The following ANO10 variants were observed in gnomAD, a reference collection of about 807,000 sequenced individuals.
The protein encoded by ANO10 is anoctamin 10, also known as anoctamin-10.
A neutral mutation model predicts 74.7 loss-of-function variants in ANO10; 77 were observed. The ratio of observed to expected loss-of-function variants is 1.03; its 90% CI spans 0.86 to 1.25. The LOEUF (loss-of-function observed/expected upper bound fraction) is 1.25, where lower values mean the gene tolerates loss of function less well. Among genes scored for constraint, ANO10 ranks in the 50% most tolerant of loss-of-function variants. The pLI is 0.00. For missense variants in ANO10, 721 were observed against 778.1 expected (o/e 0.93, Z 0.87); for synonymous variants, 279 against 284.9 (o/e 0.98, Z 0.21).
chr3:43,449,574 A>G (rs1162916129), intron 11 of ANO10, among the ~76,000 whole-genome samples: 1 of 148,928 alleles, frequency 6.7e-6, no homozygotes, highest in Non-Finnish European at 1.5e-5. Context: ...CTTTGTTGAA[A>G]GGACTATCCT....
chr3:43,460,934 T>G (rs1036395833), intron 11 of ANO10, among the ~76,000 whole-genome samples: 3 of 147,678 alleles, frequency 2.0e-5, no homozygotes, highest in African/African-American at 7.5e-5. Context: ...AAAACTTCAA[T>G]AGAAAAGCTG....
chr3:43,538,617 C>T (rs942845798), intron 11 of ANO10, among the ~76,000 whole-genome samples: 4 of 151,942 alleles, frequency 2.6e-5, no homozygotes, highest in South Asian at 2.1e-4. Flanking sequence ...ACTGAAGAAA[C>T]GGAAAAAATG....
intron 11 of ANO10, among the ~76,000 whole-genome samples, chr3:43,543,040 C>T (rs2079023981): frequency 6.6e-6 from 1 of 152,190 alleles, no homozygotes; most frequent in Admixed American, 6.5e-5. Flanking sequence ...GGAATGGGCT[C>T]ACAAGACAAG....
chr3:43,546,794 G>C (rs2079212858), intron 11 of ANO10, among the ~76,000 whole-genome samples: 1 of 152,072 alleles, frequency 6.6e-6, no homozygotes, highest in African/African-American at 2.4e-5. Flanking sequence ...AGGGCCTTAG[G>C]GACCTGTGGG....
chr3:43,443,068 C>T (rs890866472), intron 11 of ANO10, among the ~76,000 whole-genome samples: 3 of 152,180 alleles, frequency 2.0e-5, no homozygotes, highest in South Asian at 4.1e-4. Context: ...CCTGAGAAGA[C>T]GTCTTCAGGG....
At chr3:43,627,274 A>G (rs1002288534) in intron 1 of ANO10, among the ~76,000 whole-genome samples, 14 of 152,374 alleles carry the variant, frequency 9.2e-5, no homozygotes, top group South Asian at 4.1e-4. Context: ...TATTTAATAA[A>G]GAGAACTAAG....
At chr3:43,552,446 T>C (rs1353241292) in intron 10 of ANO10, among the ~76,000 whole-genome samples, 1 of 152,032 alleles carries the variant, frequency 6.6e-6, no homozygotes, top group Non-Finnish European at 1.5e-5. Flanking sequence ...ATTATAAGTT[T>C]TGCTTCAACC....
chr3:43,422,801 T>A (rs745778200), intron 12 of ANO10, among the ~76,000 whole-genome samples: 10 of 152,344 alleles, frequency 6.6e-5, no homozygotes, highest in Non-Finnish European at 1.0e-4. Context: ...ACCAATGAGA[T>A]AAGTAGTCAC....
intron 7 of ANO10, among the ~76,000 whole-genome samples, chr3:43,569,665 T>C (rs1405437916): frequency 7.0e-6 from 1 of 142,106 alleles, no homozygotes; most frequent in African/African-American, 2.7e-5. Flanking sequence ...CTCAATAAAT[T>C]AGGTATTGAT....
chr3:43,684,172 A>G (rs1003929326), intron 1 of ANO10, among the ~76,000 whole-genome samples: 25 of 152,222 alleles, frequency 1.6e-4, no homozygotes, highest in African/African-American at 5.5e-4. Flanking sequence ...AATTTTTGCA[A>G]TCTACTCATC....
At chr3:43,616,731 C>T (rs2083128588) in intron 1 of ANO10, among the ~76,000 whole-genome samples, 1 of 152,128 alleles carries the variant, frequency 6.6e-6, no homozygotes, top group African/African-American at 2.4e-5. Context: ...GCCGTTATGC[C>T]ACAGTGCACA....
chr3:43,416,412 A>G lies in ANO10; in HGVS notation c.1914+16199T>C, dbSNP rs550444845. ...AGTAACTGCCTTGTAGAGTCTATCT[A>G]AAAGAATAGCCATCAAAAATAAAAA... On this transcript the variant is annotated intron_variant, in intron 12 of 12. Transcript: ENST00000292246. Among the ~76,000 whole-genome samples, 6 of 152,338 alleles carry G rather than the reference A, an allele frequency of 3.9e-5. No individual in the cohort carries two copies. The East Asian group carries it at 1.2e-3, about 29-fold the overall frequency.
At chr3:43,515,528 A>G (rs1466226265) in intron 11 of ANO10, among the ~76,000 whole-genome samples, 1 of 152,154 alleles carries the variant, frequency 6.6e-6, no homozygotes, top group African/African-American at 2.4e-5. Context: ...GCATGAACCA[A>G]TTCCCTATAA....
rs562009051 is a variant in ANO10, at chr3:43,391,677, C to T, written c.1915-24703G>A. Among the ~76,000 whole-genome samples the T allele has an allele frequency of 2.6e-5, 4 of 152,266 alleles. No individual in the cohort carries two copies. The East Asian group carries it at 5.8e-4, about 22-fold the overall frequency. On this transcript the variant is annotated intron_variant, in intron 12 of 12. Coordinates refer to ENST00000292246, the MANE Select transcript of ANO10 (RefSeq NM_018075.5). The stretch of plus-strand genomic sequence containing the variant: ...GCTCATTTGCTAGCTGTGATGGAAG[C>T]CATGTTGTGGGTGGCCCTGAGGAGA...
intron 9 of ANO10, among the ~76,000 whole-genome samples, chr3:43,557,315 TCAAACAATAGATTTACAAAAGCC>T (rs1173632721): frequency 6.6e-6 from 1 of 152,130 alleles, no homozygotes; most frequent in Non-Finnish European, 1.5e-5. Context: ...AGAAATAAGA[TCAAACAATAGATTTACAAAAGCC>T]AATTCCTTGA....
chr3:43,469,393 T>G (rs769851637), intron 11 of ANO10, among the ~76,000 whole-genome samples: 11 of 152,162 alleles, frequency 7.2e-5, no homozygotes, highest in Non-Finnish European at 1.3e-4. Flanking sequence ...TCCTTCAGGT[T>G]TATATTGATT....
intron 12 of ANO10, among the ~76,000 whole-genome samples, chr3:43,421,407 C>G (rs970450072): frequency 7.2e-5 from 11 of 152,044 alleles, no homozygotes; most frequent in African/African-American, 2.4e-4. Flanking sequence ...CACCTATAGT[C>G]CTAGCTACTT....
At chr3:43,611,229 C>T (rs1376390110) in intron 1 of ANO10, among the ~76,000 whole-genome samples, 1 of 152,296 alleles carries the variant, frequency 6.6e-6, no homozygotes, top group Non-Finnish European at 1.5e-5. Flanking sequence ...TTTCCCTTTC[C>T]ATGGGCCACT....
chr3:43,480,979 A>ATAATATTATAATAATACAATTAC (rs1553683436), intron 11 of ANO10, among the ~76,000 whole-genome samples: 1 of 150,326 alleles, frequency 6.7e-6, no homozygotes. Context: ...TTATTGTATA[A>ATAATATTATAATAATACAATTAC]TAATTGTATA....
Sources: allele counts gnomAD v4.1 joint callset (sites outside exome capture counted in the v4.1 genomes callset), GRCh38; gene constraint gnomAD v4.1.1; transcripts MANE v1.5; gene names NCBI Gene and HGNC (gene_info 2026-07-23, HGNC 2026-07-21).